COX7B2: variants seen among roughly 807,000 people sequenced by gnomAD.
COX7B2 encodes the protein cytochrome c oxidase subunit 7B2, mitochondrial.
For missense variants in COX7B2, 109 were observed against 95.9 expected (o/e 1.14, Z -0.57); for synonymous variants, 37 against 32.1 (o/e 1.15, Z -0.51).
intron 2 of COX7B2, among the ~76,000 whole-genome samples, chr4:46,742,902 A>G (rs1714801357): frequency 6.6e-6 from 1 of 152,186 alleles, no homozygotes; most frequent in Non-Finnish European, 1.5e-5. Context: ...AGTAATGCCC[A>G]GTCTGAGAAT....
At chr4:46,896,439 TG>T (rs1217199148) in intron 1 of COX7B2, among the ~76,000 whole-genome samples, 4 of 152,188 alleles carry the variant, frequency 2.6e-5, no homozygotes, top group Non-Finnish European at 5.9e-5. Context: ...GCATTAAATA[TG>T]CTAATAAGTC....
At chr4:46,842,647 C>G (rs1241601406) in intron 2 of COX7B2, among the ~76,000 whole-genome samples, 1 of 151,470 alleles carries the variant, frequency 6.6e-6, no homozygotes, top group Non-Finnish European at 1.5e-5. Context: ...TGAGAACATG[C>G]GGTGTTTGGT....
intron 2 of COX7B2, among the ~76,000 whole-genome samples, chr4:46,836,838 C>T (rs1000585760): frequency 3.9e-5 from 6 of 152,236 alleles, no homozygotes; most frequent in East Asian, 1.9e-4. Flanking sequence ...AACTTCACCA[C>T]AGCTGCAACG....
chr4:46,799,574 G>C (rs73245864), intron 2 of COX7B2, among the ~76,000 whole-genome samples: 1 of 152,016 alleles, frequency 6.6e-6, no homozygotes, highest in Non-Finnish European at 1.5e-5. Flanking sequence ...AAGGAATGTT[G>C]TACTTTATCA....
chr4:46,795,047 T>A, intron 2 of COX7B2, among the ~76,000 whole-genome samples: 1 of 139,798 alleles, frequency 7.2e-6, no homozygotes, highest in East Asian at 2.0e-4. Flanking sequence ...GATGGGGTTG[T>A]TTGTTTTTTT....
intron 2 of COX7B2, among the ~76,000 whole-genome samples, chr4:46,740,409 A>G (rs73244185): frequency 0.041 from 6,275 of 152,172 alleles, 180 homozygotes; most frequent in Middle Eastern, 0.075. Context: ...TTATCGTTGT[A>G]TTAAGCTCCC....
intron 2 of COX7B2, among the ~76,000 whole-genome samples, chr4:46,842,474 A>C (rs939947469): frequency 2.6e-5 from 4 of 152,032 alleles, no homozygotes; most frequent in African/African-American, 9.7e-5. Flanking sequence ...ATATGTATAC[A>C]TGTGCCATGC....
chr4:46,866,336 T>C (rs977427554), intron 1 of COX7B2, among the ~76,000 whole-genome samples: 2 of 152,186 alleles, frequency 1.3e-5, no homozygotes, highest in Non-Finnish European at 2.9e-5. Context: ...TGGCCTCTAT[T>C]TGTGCCCTAA....
intron 2 of COX7B2, among the ~76,000 whole-genome samples, chr4:46,839,502 G>A (rs529258851): frequency 1.3e-5 from 2 of 152,022 alleles, no homozygotes; most frequent in East Asian, 1.9e-4. Context: ...AGGCAGTAAG[G>A]CCGACACAAG....
At chr4:46,795,580 C>G (rs1218177022) in intron 2 of COX7B2, among the ~76,000 whole-genome samples, 1 of 138,546 alleles carries the variant, frequency 7.2e-6, no homozygotes, top group Non-Finnish European at 1.5e-5. Context: ...TGTACCAGTA[C>G]CATGCTGTTT....
chr4:46,772,327 C>A (rs1242576793), intron 2 of COX7B2, among the ~76,000 whole-genome samples: 1 of 152,020 alleles, frequency 6.6e-6, no homozygotes, highest in Admixed American at 6.6e-5. Flanking sequence ...TCAAAGGGCA[C>A]AAAGTATCAG....
At chr4:46,792,099 C>T (rs915419442) in intron 2 of COX7B2, among the ~76,000 whole-genome samples, 3 of 152,126 alleles carry the variant, frequency 2.0e-5, no homozygotes, top group African/African-American at 7.2e-5. Flanking sequence ...CCCTATTGTG[C>T]CCTTGACAGA....
At position 46,766,543 on chromosome 4, in the gene COX7B2, T is replaced by TA. The variant is rs562223254; in HGVS notation, c.-49-31303dup. The stretch of plus-strand genomic sequence containing the variant: ...GGTGAAATTCCATCTCTACTAAAAA[T>TA]AAAAAAAAATTAGCCAGACGTGGTG... On this transcript the variant is annotated intron_variant, in intron 2 of 2. Transcript: ENST00000355591. 2.6e-3 allele frequency among the ~76,000 whole-genome samples: 393 copies of TA among 150,118 alleles called. 1 individual carries two copies. Among genetic ancestry groups the TA allele is most frequent in the South Asian group, 0.019 (91 of 4,726 alleles).
chr4:46,845,963 G>A (rs551705995), intron 1 of COX7B2, among the ~76,000 whole-genome samples: 33 of 152,098 alleles, frequency 2.2e-4, no homozygotes, highest in African/African-American at 7.5e-4. Context: ...CCAGTTGCTA[G>A]GAAATGGAGA....
intron 2 of COX7B2, among the ~76,000 whole-genome samples, chr4:46,742,553 C>A (rs939573202): frequency 1.3e-5 from 2 of 152,184 alleles, no homozygotes; most frequent in South Asian, 4.1e-4. Flanking sequence ...AACAATGGTT[C>A]TATTTTATAT....
chr4:46,845,356 T>G (rs1417718051), intron 1 of COX7B2, among the ~76,000 whole-genome samples: 3 of 151,840 alleles, frequency 2.0e-5, no homozygotes, highest in African/African-American at 7.2e-5. Flanking sequence ...AAATGGAAGG[T>G]TCTGGCCAAG....
rs145767190 is a variant in COX7B2 at position 46,758,651 on chromosome 4, A to G, written c.-49-23410T>C. Among the ~76,000 whole-genome samples the G allele has an allele frequency of 2.1e-3, 324 of 152,264 alleles. 1 individual carries two copies. The highest frequency in any genetic ancestry group is 7.2e-3 in the African/African-American group (299 of 41,560). On this transcript the variant is annotated intron_variant, in intron 2 of 2. Transcript: ENST00000355591. ...CAGAATGTTTTTGATTAAGATTTCTATTTGCAACAATGTGGCAGGATATAT... is the reference window on the plus strand; with the variant it reads ...CAGAATGTTTTTGATTAAGATTTCTGTTTGCAACAATGTGGCAGGATATAT...
At chr4:46,907,834 A>T (rs1000234546) in intron 1 of COX7B2, among the ~76,000 whole-genome samples, 1 of 115,766 alleles carries the variant, frequency 8.6e-6, no homozygotes, top group African/African-American at 3.0e-5. Flanking sequence ...ATAAAAGATC[A>T]GAATTTGAGC....
intron 2 of COX7B2, among the ~76,000 whole-genome samples, chr4:46,813,355 T>G (rs1361312041): frequency 6.6e-6 from 1 of 152,164 alleles, no homozygotes. Flanking sequence ...TTCTTTTCCT[T>G]GAAACACTTC....
Sources: allele counts gnomAD v4.1 joint callset (sites outside exome capture counted in the v4.1 genomes callset), GRCh38; gene constraint gnomAD v4.1.1; transcripts MANE v1.5; gene names NCBI Gene and HGNC (gene_info 2026-07-23, HGNC 2026-07-21).